The following MYO16 variants were observed in gnomAD, a reference collection of about 807,000 sequenced individuals.
MYO16 encodes the protein unconventional myosin-XVI.
A neutral mutation model predicts 205.3 loss-of-function variants in MYO16; 94 were observed. The ratio of observed to expected loss-of-function variants is 0.46; its 90% confidence interval spans 0.39 to 0.54. The LOEUF (loss-of-function observed/expected upper bound fraction) is 0.54. Among genes scored for constraint, MYO16 ranks in the 20% least tolerant of loss-of-function variants. MYO16 has a pLI of 0.00. For missense variants in MYO16, 2,315 were observed against 2,387.5 expected, an observed-to-expected ratio of 0.97 and a Z score of 0.63; for synonymous variants, 988 against 954.0, an observed-to-expected ratio of 1.04 and a Z score of -0.66.
intron 4 of MYO16, among the ~76,000 whole-genome samples, chr13:108,752,338 C>T (rs972815636): frequency 6.6e-6 from 1 of 152,016 alleles, no homozygotes; most frequent in Non-Finnish European, 1.5e-5. Flanking sequence ...CTAGGTTTCC[C>T]TATATAAACA....
chr13:109,066,351 C>T (rs763312682), intron 27 of MYO16, among the ~76,000 whole-genome samples: 59 of 152,134 alleles, frequency 3.9e-4, no homozygotes, highest in Non-Finnish European at 2.2e-4. Context: ...AATTAGCAGA[C>T]GATAAACTTT....
chr13:108,573,018 C>G, the MYO16 span, among the ~76,000 whole-genome samples: 3,991 of 152,262 alleles, frequency 0.026, 145 homozygotes, highest in African/African-American at 0.09. Flanking sequence ...GCCACTCTTC[C>G]CAGGATGAGA....
chr13:108,654,674 G>C (rs533166141), intron 1 of MYO16, among the ~76,000 whole-genome samples: 317 of 152,328 alleles, frequency 2.1e-3, no homozygotes, highest in African/African-American at 6.8e-3. Context: ...GAAAATGTAG[G>C]AAAGTTTGGA....
the MYO16 span, among the ~76,000 whole-genome samples, chr13:108,534,459 T>C: frequency 6.6e-6 from 1 of 152,136 alleles, no homozygotes; most frequent in Non-Finnish European, 1.5e-5. Context: ...GCAAGAAAAA[T>C]GGGTCATGCT....
intron 20 of MYO16, among the ~76,000 whole-genome samples, chr13:108,972,845 G>T (rs546021616): frequency 1.3e-5 from 2 of 151,796 alleles, no homozygotes; most frequent in African/African-American, 4.8e-5. Context: ...GGGATTTTTT[G>T]TGGGTTTTCT....
chr13:108,543,628 C>A, the MYO16 span, among the ~76,000 whole-genome samples: 4 of 128,734 alleles, frequency 3.1e-5, no homozygotes, highest in Admixed American at 1.8e-4. Flanking sequence ...GGCGACAGAG[C>A]GAGCCTCCCT....
intron 27 of MYO16, among the ~76,000 whole-genome samples, chr13:109,085,024 G>A (rs1222617992): frequency 6.6e-6 from 1 of 152,126 alleles, no homozygotes; most frequent in Non-Finnish European, 1.5e-5. Flanking sequence ...CCCGAAAGGG[G>A]TGTACACACA....
chr13:108,957,030 A>G (rs1285113417), intron 16 of MYO16, among the ~76,000 whole-genome samples: 1 of 152,200 alleles, frequency 6.6e-6, no homozygotes, highest in East Asian at 1.9e-4. Context: ...TAAACTAGGC[A>G]TCTTTAGTTC....
chr13:108,942,826 C>T (rs1882785052), intron 16 of MYO16, among the ~76,000 whole-genome samples: 1 of 150,540 alleles, frequency 6.6e-6, no homozygotes, highest in South Asian at 2.1e-4. Flanking sequence ...AAAACACTGT[C>T]TGTCACAAGT....
chr13:108,986,217 CA>C (rs1391590270), intron 20 of MYO16, among the ~76,000 whole-genome samples: 1 of 152,068 alleles, frequency 6.6e-6, no homozygotes, highest in African/African-American at 2.4e-5. Flanking sequence ...AGCTACAGTT[CA>C]AGATGAGATT....
the MYO16 span, among the ~76,000 whole-genome samples, chr13:108,534,433 A>G: frequency 6.6e-6 from 1 of 152,146 alleles, no homozygotes; most frequent in Non-Finnish European, 1.5e-5. Flanking sequence ...GATTGTTCTT[A>G]GGTTTGGTAG....
At chr13:108,970,737 G>A (rs989926684) in intron 20 of MYO16, among the ~76,000 whole-genome samples, 3 of 152,170 alleles carry the variant, frequency 2.0e-5, no homozygotes, top group Admixed American at 6.5e-5. Flanking sequence ...TCCTCAAGAC[G>A]TGTGAAATGC....
In MYO16 at chr13:108,603,590, A is replaced by C. The variant is rs1278427030; in HGVS notation, c.-39+7351A>C. Reference sequence around the variant, plus strand: ...TTTTTTCTTTCAATTCATGTGATTAACTTCTTCGGATGAACTTGTTAATTT... The same window carrying C: ...TTTTTTCTTTCAATTCATGTGATTACCTTCTTCGGATGAACTTGTTAATTT... On this transcript the variant is annotated intron_variant, in intron 1 of 24. Transcript: ENST00000251041. Among the ~76,000 whole-genome samples, 3 of 152,120 alleles carry C rather than the reference A, an allele frequency of 2.0e-5. No individual in the cohort carries two copies. The East Asian group carries it at 5.8e-4, about 30-fold the overall frequency.
Position 108,798,688 on chromosome 13 carries a change from A to ATTTTTTTTT in MYO16, c.741+5068_741+5076dup, listed in dbSNP as rs35432777. On this transcript the variant is annotated intron_variant, in intron 6 of 34. Coordinates refer to ENST00000457511, the MANE Select transcript of MYO16 (RefSeq NM_001198950.3). The stretch of plus-strand genomic sequence containing the variant: ...TATATCACATCTGGCCCCGAGGCTT[A>ATTTTTTTTT]TTTTTTTTTTTTTTTTTTTTTTTTT... Among the ~76,000 whole-genome samples, 5 of 70,368 alleles carry ATTTTTTTTT rather than the reference A, an allele frequency of 7.1e-5. 1 individual carries two copies. The highest frequency in any genetic ancestry group is 9.9e-5 in the Non-Finnish European group (4 of 40,602). 46.2% of individuals were successfully genotyped at this position (70,368 alleles called of 152,430 possible).
intron 34 of MYO16, among the ~76,000 whole-genome samples, chr13:109,187,137 C>T (rs1879720985): frequency 6.6e-6 from 1 of 152,192 alleles, no homozygotes; most frequent in Non-Finnish European, 1.5e-5. Context: ...TATTCTCAGA[C>T]TTGTTAATCC....
rs769237824 is a variant in MYO16 at position 109,140,853 on chromosome 13, C to A, written c.4641C>A (p.Asn1547Lys). ...EVKKLPVLET[N>K]LKYPVQPEGS... ...AGAAGCTGCCAGTCCTGGAGACCAA[C>A]CTCAAGTACCCCGTGCAGCCGGAGG... The change falls in exon 32 of 35, where the codon AAC becomes AAA. Residue 1547 changes from asparagine to lysine, a missense_variant. By Grantham distance (94) the Asn-to-Lys change is moderately conservative. Coordinates refer to ENST00000457511, the MANE Select transcript of MYO16 (RefSeq NM_001198950.3). This position sits in a 1 kb window ranked among gnomAD's most constrained non-coding sequence, Gnocchi z 8.0. 6.3e-7 allele frequency: 1 copy of A among 1,597,640 alleles called. No individual in the cohort carries two copies. The highest frequency in any genetic ancestry group is 8.5e-7 in the Non-Finnish European group (1 of 1,173,604).
At chr13:108,959,221 T>G (rs1360114580) in intron 17 of MYO16, among the ~76,000 whole-genome samples, 1 of 3,534 alleles carries the variant, frequency 2.8e-4, no homozygotes, top group African/African-American at 4.6e-4. Context: ...GCCTCTGTTT[T>G]TCTCCTTTAG....
chr13:109,132,684 T>TA (rs35285236), intron 31 of MYO16, among the ~76,000 whole-genome samples: 2 of 152,200 alleles, frequency 1.3e-5, no homozygotes, highest in East Asian at 1.9e-4. Context: ...AGAAGCCCTT[T>TA]AAAAAAATTT....
At chr13:108,791,608 C>G (rs1039101561) in intron 5 of MYO16, among the ~76,000 whole-genome samples, 2 of 152,124 alleles carry the variant, frequency 1.3e-5, no homozygotes, top group African/African-American at 4.8e-5. Flanking sequence ...CACTAACACC[C>G]AAGCAGGTTG....
Sources: allele counts gnomAD v4.1 joint callset (sites outside exome capture counted in the v4.1 genomes callset), GRCh38; gene constraint gnomAD v4.1.1; non-coding constraint Gnocchi (gnomAD v3.1); transcripts MANE v1.5; gene names NCBI Gene and HGNC (gene_info 2026-07-23, HGNC 2026-07-21).